The following NDUFAF5 variants were observed in gnomAD, a reference collection of about 807,000 sequenced individuals.
NDUFAF5 encodes the protein arginine-hydroxylase NDUFAF5, mitochondrial.
In NDUFAF5, 34 loss-of-function variants were observed where a neutral mutation model predicts 48.9. That is an observed-to-expected ratio of 0.70 (90% CI 0.53 to 0.93). The LOEUF (loss-of-function observed/expected upper bound fraction) is 0.93, where lower values mean the gene tolerates loss of function less well. NDUFAF5 is among the 40% of genes least tolerant of loss of function. The pLI is 0.00. For missense variants in NDUFAF5, 428 were observed against 427.5 expected (o/e 1.00, Z -0.01); for synonymous variants, 153 against 150.6 (o/e 1.02, Z -0.12).
At position 13,817,192 on chromosome 20, in the gene NDUFAF5, G is replaced by A. The variant is rs745871040; in HGVS notation, c.1020G>A (p.Pro340=). 3.7e-5 allele frequency: 60 copies of A among 1,612,960 alleles called. No individual in the cohort carries two copies. The highest frequency in any genetic ancestry group is 1.5e-4 in the Admixed American group (9 of 59,990). The change falls in exon 11 of 11, where the codon CCG becomes CCA. Residue 340 remains proline (P), a synonymous_variant. Coordinates refer to ENST00000378106, the MANE Select transcript of NDUFAF5 (RefSeq NM_024120.5). ...ELGKINNLMP[P]GKKSQ ...GAAAAATAAACAACCTTATGCCACC[G>A]GGGAAAAAATCACAATAAATATTTA...
intron 7 of NDUFAF5, among the ~76,000 whole-genome samples, chr20:13,805,272 C>T (rs576992157): frequency 1.3e-4 from 20 of 151,708 alleles, no homozygotes; most frequent in Non-Finnish European, 2.1e-4. Context: ...TTGCCCATTA[C>T]GAAAAAAATG....
At chr20:13,790,840 C>G (rs2147496993) in intron 3 of NDUFAF5, among the ~76,000 whole-genome samples, 1 of 152,344 alleles carries the variant, frequency 6.6e-6, no homozygotes, top group East Asian at 1.9e-4. Flanking sequence ...CAGATCTTTA[C>G]TCAGCTGACT....
intron 7 of NDUFAF5, among the ~76,000 whole-genome samples, chr20:13,806,605 G>A (rs1399826887): frequency 6.6e-6 from 1 of 152,218 alleles, no homozygotes; most frequent in East Asian, 1.9e-4. Context: ...TCTTTTGATT[G>A]AAGTGGAGAT....
Position 13,785,123 on chromosome 20 carries a change from G to C in NDUFAF5, c.55G>C (p.Val19Leu). The C allele has an allele frequency of 6.2e-7, 1 of 1,613,892 alleles. No individual in the cohort carries two copies. Among genetic ancestry groups the C allele is most frequent in the South Asian group, 1.1e-5 (1 of 91,078 alleles). ...ATGTCGGCGACCTTGGGCGGCGAGG[G>C]TCCCAGCGGAGAATCTTGGCCGTAG... ...RLCRRPWAAR[V>L]PAENLGRREV... Residue 19 changes from valine to leucine, a missense_variant, in exon 1 of 11, where the codon GTC becomes CTC. Physicochemically the swap from Val to Leu is conservative, Grantham distance 32. Transcript: ENST00000378106.
intron 3 of NDUFAF5, among the ~76,000 whole-genome samples, chr20:13,789,470 GTGGAATT>G (rs1981883920): frequency 6.7e-6 from 1 of 149,124 alleles, no homozygotes; most frequent in Admixed American, 6.7e-5. Flanking sequence ...CAGCCTTAAA[GTGGAATT>G]TCTTTTTTTT....
rs770289059 is a variant in NDUFAF5, at chr20:13,817,439, A to G, written c.*229A>G. On this transcript the variant is annotated 3_prime_UTR_variant, in exon 11 of 11. Coordinates refer to ENST00000378106, the MANE Select transcript of NDUFAF5 (RefSeq NM_024120.5). Reference sequence around the variant, plus strand: ...GTCTTTGCAGATTCAGCCTAAAAGCAAAGAAAATATTTCCCTAAAATATTT... The same window carrying G: ...GTCTTTGCAGATTCAGCCTAAAAGCGAAGAAAATATTTCCCTAAAATATTT... The G allele has an allele frequency of 7.4e-5, 48 of 646,824 alleles. No homozygotes were observed. The highest frequency in any genetic ancestry group is 4.1e-4 in the Admixed American group (20 of 48,480). The allele number at this position is 646,824 out of a possible 1,614,324, so 40.1% of individuals were successfully genotyped here.
Position 13,798,825 on chromosome 20 carries a change from A to T in NDUFAF5, c.519+325A>T, listed in dbSNP as rs185358104. Reference sequence around the variant, plus strand: ...AGTTGCCCATAAACTTTTTGCAAGTAGGAACCTACTTATTTATATTTGTAT... The same window carrying T: ...AGTTGCCCATAAACTTTTTGCAAGTTGGAACCTACTTATTTATATTTGTAT... On this transcript the variant is annotated intron_variant, in intron 6 of 10. Coordinates refer to ENST00000378106, the MANE Select transcript of NDUFAF5 (RefSeq NM_024120.5). Among the ~76,000 whole-genome samples, 6 of 152,354 alleles carry T rather than the reference A, an allele frequency of 3.9e-5. No homozygotes were observed. The East Asian group carries it at 1.2e-3, about 29-fold the overall frequency.
chr20:13,804,553 A>G (rs1984717707), intron 7 of NDUFAF5, among the ~76,000 whole-genome samples: 1 of 152,136 alleles, frequency 6.6e-6, no homozygotes, highest in South Asian at 2.1e-4. Flanking sequence ...TGGTATGGAT[A>G]TATTTGCACT....
intron 3 of NDUFAF5, among the ~76,000 whole-genome samples, chr20:13,791,752 T>G (rs2147500853): frequency 6.6e-6 from 1 of 152,344 alleles, no homozygotes; most frequent in Middle Eastern, 3.4e-3. Context: ...ATGTTCCTCC[T>G]GTTCGCATGC....
chr20:13,785,496 C>T (rs1241682917), intron 1 of NDUFAF5, among the ~76,000 whole-genome samples: 1 of 152,202 alleles, frequency 6.6e-6, no homozygotes, highest in Non-Finnish European at 1.5e-5. Context: ...GCATTCATTT[C>T]GGCAACGTCC....
Position 13,821,215 on chromosome 20 carries a change from C to T in NDUFAF5, c.*4005C>T, listed in dbSNP as rs762516832. 6.6e-6 allele frequency: 1 copy of T among 152,190 alleles called. No individual in the cohort carries two copies. 9.4% of individuals were successfully genotyped at this position (152,190 alleles called of 1,614,324 possible). A position where few individuals can be genotyped will look rare whatever the true frequency, so the allele number is the denominator to read the frequency against. On this transcript the variant is annotated 3_prime_UTR_variant, in exon 11 of 11. Coordinates refer to ENST00000378106, the MANE Select transcript of NDUFAF5 (RefSeq NM_024120.5). Reference sequence around the variant, plus strand: ...CACTTCATTCCCCTCTAAGTACAGGCTGAGTTTAGTGATTCCCTTCCAACA... The same window carrying T: ...CACTTCATTCCCCTCTAAGTACAGGTTGAGTTTAGTGATTCCCTTCCAACA...
At position 13,787,864 on chromosome 20, in the gene NDUFAF5, A is replaced by G. The variant is rs766838194; in HGVS notation, c.263+512A>G. Among the ~76,000 whole-genome samples, 75 of 152,106 alleles carry G rather than the reference A, an allele frequency of 4.9e-4. 1 individual carries two copies. The highest frequency in any genetic ancestry group is 1.0e-3 in the Non-Finnish European group (68 of 68,014). ...TTTTCAGGAAGAATGTTCTTAGTAG[A>G]TAAAATTTTAAGTTTTCTTATTATA... On this transcript the variant is annotated intron_variant, in intron 2 of 10. Coordinates refer to ENST00000378106, the MANE Select transcript of NDUFAF5 (RefSeq NM_024120.5).
intron 1 of NDUFAF5, among the ~76,000 whole-genome samples, chr20:13,785,884 CGT>C (rs1470620331): frequency 6.6e-6 from 1 of 151,990 alleles, no homozygotes; most frequent in Non-Finnish European, 1.5e-5. Context: ...AAATTTCTCT[CGT>C]TTTTACTTTT....
chr20:13,812,127 G>C (rs933736537), intron 8 of NDUFAF5, among the ~76,000 whole-genome samples: 1 of 152,240 alleles, frequency 6.6e-6, no homozygotes, highest in Admixed American at 6.5e-5. Flanking sequence ...CCCTGGCACT[G>C]TCTGAACTGA....
At chr20:13,815,690 T>G (rs1600394077) in intron 8 of NDUFAF5, among the ~76,000 whole-genome samples, 1 of 152,236 alleles carries the variant, frequency 6.6e-6, no homozygotes, top group Non-Finnish European at 1.5e-5. Context: ...TGTGTAAAAT[T>G]TAATATAGAG....
At chr20:13,789,763 A>G (rs1442458329) in intron 3 of NDUFAF5, among the ~76,000 whole-genome samples, 2 of 152,206 alleles carry the variant, frequency 1.3e-5, no homozygotes, top group Non-Finnish European at 2.9e-5. Context: ...GGCGTGAGCC[A>G]CCATGCCCAG....
chr20:13,814,686 CG>C lies in NDUFAF5; in HGVS notation c.779-1775del, dbSNP rs1490739196. On this transcript the variant is annotated intron_variant, in intron 8 of 10. Coordinates refer to ENST00000378106, the MANE Select transcript of NDUFAF5 (RefSeq NM_024120.5). Reference sequence around the variant, plus strand: ...TGTTATCTCAAAGCCCAGGGCGAGTCGGAAGTCCCAAAGTTTCAGTTTTTCC... The same window carrying C: ...TGTTATCTCAAAGCCCAGGGCGAGTCGAAGTCCCAAAGTTTCAGTTTTTCC... Among the ~76,000 whole-genome samples the C allele has an allele frequency of 2.0e-5, 3 of 152,240 alleles. No individual in the cohort carries two copies. In the East Asian group the frequency reaches 5.8e-4, roughly 29 times the overall value.
chr20:13,799,343 T>A (rs1324028833), intron 6 of NDUFAF5, among the ~76,000 whole-genome samples: 3 of 152,208 alleles, frequency 2.0e-5, no homozygotes, highest in Non-Finnish European at 4.4e-5. Flanking sequence ...TTCCCGTTAC[T>A]GTGCTCTGTT....
At chr20:13,785,667 C>T (rs1047165996) in intron 1 of NDUFAF5, among the ~76,000 whole-genome samples, 20 of 152,068 alleles carry the variant, frequency 1.3e-4, no homozygotes, top group Non-Finnish European at 2.1e-4. Flanking sequence ...TAACTGCCGG[C>T]CACACATGTG....
Sources: gnomAD v4.1 joint callset for allele counts (sites outside exome capture counted in the v4.1 genomes callset) on GRCh38, gnomAD v4.1.1 for gene constraint, MANE v1.5 for transcripts, NCBI Gene and HGNC (gene_info 2026-07-23, HGNC 2026-07-21) for gene names.